SLC39A8: variants seen among roughly 807,000 people sequenced by gnomAD.
SLC39A8 encodes metal cation symporter ZIP8.
Under a neutral mutation model 40.4 loss-of-function variants are expected in SLC39A8, and 15 were observed. The ratio of observed to expected loss-of-function variants is 0.37; its 90% CI spans 0.25 to 0.57. The LOEUF is 0.57. Among genes scored for constraint, SLC39A8 ranks in the 20% least tolerant of loss-of-function variants. SLC39A8 has a pLI of 0.75. For missense variants in SLC39A8, 472 were observed against 558.8 expected (o/e 0.84, Z 1.57); for synonymous variants, 223 against 221.6 (o/e 1.01, Z -0.06).
At position 102,261,703 on chromosome 4, in the gene SLC39A8, AT is replaced by A. The variant is rs1479240918; in HGVS notation, c.*1340del. ...GGTGTTTACTATTTGGCCAAACAAT[AT>A]TTTTTAATTGTCAGTCATAAAGTGA... On this transcript the variant is annotated 3_prime_UTR_variant, in exon 9 of 9. Coordinates refer to ENST00000356736, the MANE Select transcript of SLC39A8 (RefSeq NM_001135146.2). 2 of 982,680 alleles carry A rather than the reference AT, an allele frequency of 2.0e-6. No individual in the cohort carries two copies. The highest frequency in any genetic ancestry group is 5.2e-4 in the Middle Eastern group (1 of 1,912). 60.9% of individuals were successfully genotyped at this position (982,680 alleles called of 1,614,324 possible).
At chr4:102,311,471 C>T (rs1288785766) in intron 3 of SLC39A8, among the ~76,000 whole-genome samples, 1 of 152,054 alleles carries the variant, frequency 6.6e-6, no homozygotes, top group Non-Finnish European at 1.5e-5. Flanking sequence ...AGCCACTTAA[C>T]CTCTCTGGAA....
chr4:102,345,045 G>C (rs1450968572), intron 1 of SLC39A8, 130 bp from the exon 2 acceptor site: 1 of 412,778 alleles, frequency 2.4e-6, no homozygotes, highest in African/African-American at 2.1e-5. Context: ...CCCCGGATCC[G>C]GGTTTGCAAA....
At chr4:102,331,694 G>A (rs80197237) in intron 2 of SLC39A8, among the ~76,000 whole-genome samples, 1 of 152,116 alleles carries the variant, frequency 6.6e-6, no homozygotes, top group East Asian at 1.9e-4. Flanking sequence ...CCAAACAAGA[G>A]CCCATAAAGC....
At chr4:102,327,968 A>G (rs1295108945) in intron 2 of SLC39A8, among the ~76,000 whole-genome samples, 1 of 152,248 alleles carries the variant, frequency 6.6e-6, no homozygotes, top group Admixed American at 6.5e-5. Context: ...AAATAAACTA[A>G]TCCTGATATC....
chr4:102,292,225 G>A (rs1578581649), intron 6 of SLC39A8, among the ~76,000 whole-genome samples: 1 of 151,970 alleles, frequency 6.6e-6, no homozygotes, highest in East Asian at 1.9e-4. Flanking sequence ...ATGAAAAATA[G>A]GTGAAGTGAT....
At position 102,262,776 on chromosome 4, in the gene SLC39A8, T is replaced by C. The variant is rs1404995668; in HGVS notation, c.*268A>G. The C allele has an allele frequency of 3.5e-6, 4 of 1,157,316 alleles. No homozygotes were observed. In the African/African-American group the frequency reaches 6.4e-5, roughly 19 times the overall value. The allele number at this position is 1,157,316 out of a possible 1,614,324, so 71.7% of individuals were successfully genotyped here. ...GCATGTCTCTTGCTTCATGGTGATA[T>C]CTAATATGCATGGAATACTGAAAAA... On this transcript the variant is annotated 3_prime_UTR_variant, in exon 9 of 9. Transcript: ENST00000356736.
At chr4:102,267,745 A>G in intron 7 of SLC39A8, 71 bp from the exon 8 acceptor site, 1 of 1,533,888 alleles carries the variant, frequency 6.5e-7, no homozygotes, top group Non-Finnish European at 8.8e-7. Flanking sequence ...AAAGATAATC[A>G]TCAATGTCCA....
chr4:102,312,865 G>C (rs922448663), intron 3 of SLC39A8, among the ~76,000 whole-genome samples: 1 of 152,106 alleles, frequency 6.6e-6, no homozygotes, highest in Non-Finnish European at 1.5e-5. Flanking sequence ...TTACAGAGCT[G>C]GGATTTGAGC....
At chr4:102,319,723 T>A (rs1035131292) in intron 2 of SLC39A8, among the ~76,000 whole-genome samples, 3 of 152,118 alleles carry the variant, frequency 2.0e-5, no homozygotes, top group Non-Finnish European at 4.4e-5. Flanking sequence ...TCTTTTCCCC[T>A]TGTGATCATT....
chr4:102,265,665 G>C (rs1732066994), intron 8 of SLC39A8, among the ~76,000 whole-genome samples: 1 of 152,188 alleles, frequency 6.6e-6, no homozygotes. Flanking sequence ...AATGCTGGGA[G>C]GGGTGGTATG....
chr4:102,289,961 A>G (rs966080464), intron 6 of SLC39A8, among the ~76,000 whole-genome samples: 11 of 152,182 alleles, frequency 7.2e-5, no homozygotes, highest in Non-Finnish European at 1.2e-4. Context: ...GATGGCATCC[A>G]ATGTGGAAAG....
intron 2 of SLC39A8, among the ~76,000 whole-genome samples, chr4:102,331,338 T>C (rs1434206942): frequency 6.6e-6 from 1 of 152,202 alleles, no homozygotes; most frequent in Non-Finnish European, 1.5e-5. Context: ...GGATACAGAA[T>C]TGATGTGCTA....
At chr4:102,268,772 A>G (rs568906879) in intron 6 of SLC39A8, among the ~76,000 whole-genome samples, 2 of 152,330 alleles carry the variant, frequency 1.3e-5, no homozygotes, top group Admixed American at 1.3e-4. Flanking sequence ...TTACACTAAC[A>G]CTTCCTTTCA....
chr4:102,273,843 TGC>T (rs1189808632), intron 6 of SLC39A8, among the ~76,000 whole-genome samples: 4 of 152,108 alleles, frequency 2.6e-5, no homozygotes, highest in Admixed American at 2.0e-4. Context: ...CCAGAAGACC[TGC>T]AGAAGAGGGG....
intron 6 of SLC39A8, among the ~76,000 whole-genome samples, chr4:102,290,909 C>A (rs1047222709): frequency 1.3e-5 from 2 of 152,036 alleles, no homozygotes; most frequent in Non-Finnish European, 2.9e-5. Flanking sequence ...GAATAAGAAC[C>A]CTTTTCCTTT....
intron 2 of SLC39A8, among the ~76,000 whole-genome samples, chr4:102,339,181 G>A (rs182869661): frequency 1.4e-4 from 21 of 152,198 alleles, no homozygotes; most frequent in Admixed American, 9.1e-4. Flanking sequence ...AGATCAGAAT[G>A]GGGCCATTGT....
chr4:102,292,013 A>G (rs1733469401), intron 6 of SLC39A8, among the ~76,000 whole-genome samples: 2 of 151,984 alleles, frequency 1.3e-5, no homozygotes, highest in Admixed American at 1.3e-4. Context: ...CATAAAAACA[A>G]AGTAGAATGT....
intron 6 of SLC39A8, among the ~76,000 whole-genome samples, chr4:102,297,175 G>C (rs1016814849): frequency 6.6e-6 from 1 of 152,114 alleles, no homozygotes; most frequent in African/African-American, 2.4e-5. Context: ...AACTGTACAT[G>C]ATTAAGCATG....
chr4:102,326,154 A>G (rs1241140936), intron 2 of SLC39A8, among the ~76,000 whole-genome samples: 4 of 152,194 alleles, frequency 2.6e-5, no homozygotes, highest in Non-Finnish European at 4.4e-5. Flanking sequence ...GCCAAGATCA[A>G]AAGCCTTTGT....
Sources: gnomAD v4.1 joint callset for allele counts (sites outside exome capture counted in the v4.1 genomes callset) on GRCh38, gnomAD v4.1.1 for gene constraint, MANE v1.5 for transcripts, NCBI Gene and HGNC (gene_info 2026-07-23, HGNC 2026-07-21) for gene names.